The following HTR4 variants were observed in gnomAD, a reference collection of about 807,000 sequenced individuals.
The protein encoded by HTR4 is 5-hydroxytryptamine (serotonin) receptor 4, G protein-coupled.
HTR4 carries 16 observed loss-of-function variants against 36.8 expected under a neutral mutation model. The observed-to-expected ratio is 0.43, with a 90% CI of 0.29 to 0.66. The LOEUF (loss-of-function observed/expected upper bound fraction) is 0.66, where lower values mean the gene tolerates loss of function less well. HTR4 is among the 30% of genes least tolerant of loss of function. HTR4 has a pLI of 0.13. For missense variants in HTR4, 438 were observed against 490.9 expected (o/e 0.89, Z 1.02); for synonymous variants, 189 against 185.1 (o/e 1.02, Z -0.17).
chr5:148,599,453 T>C (rs1435392310), intron 2 of HTR4, among the ~76,000 whole-genome samples: 1 of 152,102 alleles, frequency 6.6e-6, no homozygotes, highest in African/African-American at 2.4e-5. Context: ...GCAGTAAGTA[T>C]GGAAGTCAAA....
At position 148,544,343 on chromosome 5, in the gene HTR4, A is replaced by C. The variant is rs71584070; in HGVS notation, c.353+4325T>G. On this transcript the variant is annotated intron_variant, in intron 4 of 6. Coordinates refer to ENST00000377888, the MANE Select transcript of HTR4 (RefSeq NM_000870.7). ...TCCACCTCTCTTTCTCTCTCTCTCC[A>C]CACACACTCATGTAAACCCAGATAC... Among the ~76,000 whole-genome samples the C allele has an allele frequency of 1.5e-3, 130 of 85,996 alleles. 1 individual carries two copies. The highest frequency in any genetic ancestry group is 2.4e-3 in the Non-Finnish European group (71 of 30,164). 56.4% of individuals were successfully genotyped at this position (85,996 alleles called of 152,430 possible).
chr5:148,458,101 T>TG lies in HTR4; in HGVS notation c.1077-6830_1077-6829insC, dbSNP rs559424245. Among the ~76,000 whole-genome samples, 364 of 48,634 alleles carry TG rather than the reference T, an allele frequency of 7.5e-3. 3 individuals carry two copies. The highest frequency in any genetic ancestry group is 0.017 in the African/African-American group (336 of 19,750). The allele number at this position is 48,634 out of a possible 152,430, so 31.9% of individuals were successfully genotyped here. A position where few individuals can be genotyped will look rare whatever the true frequency, so the allele number is the denominator to read the frequency against. Reference sequence around the variant, plus strand: ...GATCTTAAAATATATTATATTTTAATATCTATTAAATAGATCTTAAAATAT... The same window carrying TG: ...GATCTTAAAATATATTATATTTTAATGATCTATTAAATAGATCTTAAAATAT... On this transcript the variant is annotated intron_variant, in intron 5 of 5. Transcript: ENST00000521530.
chr5:148,451,197 T>C (rs776392350), exon 6 of HTR4: 1 of 1,613,854 alleles, frequency 6.2e-7, no homozygotes, highest in South Asian at 1.1e-5. Context: ...AGAAGCATGA[T>C]TCCAGGGATT....
intron 2 of HTR4, among the ~76,000 whole-genome samples, chr5:148,602,718 G>C (rs1452256555): frequency 6.6e-6 from 1 of 152,068 alleles, no homozygotes; most frequent in Non-Finnish European, 1.5e-5. Context: ...TCCTTGAAAA[G>C]AGTAATTCAA....
chr5:148,647,996 G>C (rs1197170693), intron 1 of HTR4, among the ~76,000 whole-genome samples: 1 of 152,134 alleles, frequency 6.6e-6, no homozygotes, highest in Non-Finnish European at 1.5e-5. Context: ...ATAAGAATAA[G>C]AAACAACAAC....
intron 2 of HTR4, among the ~76,000 whole-genome samples, chr5:148,632,843 AAAAGC>A (rs892092402): frequency 6.6e-6 from 1 of 152,184 alleles, no homozygotes; most frequent in Non-Finnish European, 1.5e-5. Flanking sequence ...AAACAACATC[AAAAGC>A]ATAGCTGTTT....
rs563110334 is a variant in HTR4 at position 148,456,970 on chromosome 5, C to T, written c.1077-5698G>A. Among the ~76,000 whole-genome samples the T allele has an allele frequency of 7.9e-5, 12 of 152,296 alleles. No homozygotes were observed. The South Asian group carries it at 8.3e-4, about 11-fold the overall frequency. On this transcript the variant is annotated intron_variant, in intron 5 of 5. Coordinates refer to the HTR4 transcript ENST00000521530. Reference sequence around the variant, plus strand: ...ATCCTTTCCTCAGTAACTGAACAAACGTTTATTCACTTGTTAATTGATCAC... The same window carrying T: ...ATCCTTTCCTCAGTAACTGAACAAATGTTTATTCACTTGTTAATTGATCAC...
chr5:148,484,388 TAAAG>T, intron 6 of HTR4: 2 of 1,608,216 alleles, frequency 1.2e-6, no homozygotes, highest in African/African-American at 2.7e-5. Context: ...TCCTAGCAGA[TAAAG>T]AAATTATTTG....
At chr5:148,527,079 C>T (rs567230398) in intron 4 of HTR4, among the ~76,000 whole-genome samples, 16 of 152,086 alleles carry the variant, frequency 1.1e-4, no homozygotes, top group Admixed American at 1.3e-4. Flanking sequence ...TGATGGATAT[C>T]CCAACTACCC....
At position 148,493,282 on chromosome 5, in the gene HTR4, ATCTTGAAATTCTTAATAACTTTAT is replaced by A. The variant is rs1756540977; in HGVS notation, c.1077-10013_1077-9990del. On this transcript the variant is annotated intron_variant, in intron 6 of 6. Coordinates refer to ENST00000377888, the MANE Select transcript of HTR4 (RefSeq NM_000870.7). ...CTAGGTTTAATGCTCTGCTGTTGCC[ATCTTGAAATTCTTAATAACTTTAT>A]TCTTGAATTTGTGAATATTAGTAGA... Among the ~76,000 whole-genome samples, 3 of 152,320 alleles carry A rather than the reference ATCTTGAAATTCTTAATAACTTTAT, an allele frequency of 2.0e-5. No homozygotes were observed. In the South Asian group the frequency reaches 6.2e-4, roughly 32 times the overall value.
chr5:148,452,414 A>G (rs897329283), intron 5 of HTR4, among the ~76,000 whole-genome samples: 1 of 152,176 alleles, frequency 6.6e-6, no homozygotes, highest in African/African-American at 2.4e-5. Context: ...GGTTCTCAGC[A>G]GAGAGCATTT....
intron 2 of HTR4, among the ~76,000 whole-genome samples, chr5:148,576,325 G>A (rs1002744892): frequency 1.3e-5 from 2 of 151,486 alleles, no homozygotes. Flanking sequence ...CAGAGAAGGC[G>A]TAACAAATGA....
chr5:148,503,742 A>T (rs1202911408), intron 6 of HTR4, among the ~76,000 whole-genome samples: 1 of 152,214 alleles, frequency 6.6e-6, no homozygotes, highest in African/African-American at 2.4e-5. Flanking sequence ...GGTGTTCAGG[A>T]GACCCATCTC....
chr5:148,560,182 T>A (rs1262680942), intron 2 of HTR4, among the ~76,000 whole-genome samples: 19 of 147,140 alleles, frequency 1.3e-4, no homozygotes, highest in Non-Finnish European at 2.5e-4. Flanking sequence ...TTCTTTTTTC[T>A]TTTTTACGGA....
chr5:148,492,804 G>A (rs1756513629), intron 6 of HTR4, among the ~76,000 whole-genome samples: 1 of 152,310 alleles, frequency 6.6e-6, no homozygotes, highest in Admixed American at 6.5e-5. Context: ...GACACTAAAT[G>A]GTAGATCTCA....
intron 1 of HTR4, chr5:148,646,313 C>T (rs778227652): frequency 6.6e-6 from 1 of 152,214 alleles, no homozygotes; most frequent in Non-Finnish European, 1.5e-5. Flanking sequence ...AGTATTTGCT[C>T]TGCATGCCAA....
chr5:148,555,406 A>C (rs144000527), intron 2 of HTR4, among the ~76,000 whole-genome samples: 2 of 152,332 alleles, frequency 1.3e-5, no homozygotes, highest in Admixed American at 6.5e-5. Flanking sequence ...GTGGCATGCC[A>C]ATTAGGAGTT....
Position 148,505,055 on chromosome 5 carries a change from A to G in HTR4, c.1076+4401T>C, listed in dbSNP as rs189191468. On this transcript the variant is annotated intron_variant, in intron 6 of 6. Transcript: ENST00000377888. ...TCAGATGGATTCACAGTCGAATTCT[A>G]CCAGAGGTACAAGGAGGAGCTGGTA... Among the ~76,000 whole-genome samples the G allele has an allele frequency of 3.9e-5, 6 of 152,322 alleles. No individual in the cohort carries two copies. The East Asian group carries it at 1.2e-3, about 29-fold the overall frequency.
intron 6 of HTR4, among the ~76,000 whole-genome samples, chr5:148,491,482 C>A (rs2113735612): frequency 6.6e-6 from 1 of 152,264 alleles, no homozygotes; most frequent in Admixed American, 6.5e-5. Flanking sequence ...TAGTTTGAAG[C>A]AGGGTTTCTT....
Sources: allele counts gnomAD v4.1 joint callset (sites outside exome capture counted in the v4.1 genomes callset), GRCh38; gene constraint gnomAD v4.1.1; transcripts MANE v1.5; gene names NCBI Gene and HGNC (gene_info 2026-07-23, HGNC 2026-07-21).